Variants in PIH1D2 observed in about 807,000 individuals in gnomAD.
PIH1D2 encodes the protein PIH1 domain-containing protein 2.
A neutral mutation model predicts 31.2 loss-of-function variants in PIH1D2; 25 were observed. That is an observed-to-expected ratio of 0.80 (90% CI 0.58 to 1.12). PIH1D2 has a LOEUF of 1.12. Among genes scored for constraint, PIH1D2 ranks in the 50% most tolerant of loss-of-function variants. The pLI is 0.00. For synonymous variants in PIH1D2, 116 were observed against 119.9 expected (o/e 0.97, Z 0.21); for missense variants, 310 against 356.6 (o/e 0.87, Z 1.05).
chr11:112,067,713 T>TATATA (rs1555184023), downstream of PIH1D2: 11 of 255,820 alleles, frequency 4.3e-5, no homozygotes, highest in African/African-American at 1.3e-4. Context: ...TATATATATA[T>TATATA]TTGACATAAC....
At position 112,070,282 on chromosome 11, in the gene PIH1D2, T is replaced by C. The variant is rs1416996878; in HGVS notation, c.813+154A>G. The C allele has an allele frequency of 3.5e-6, 3 of 846,428 alleles. No homozygotes were observed. The African/African-American group carries it at 5.2e-5, about 15-fold the overall frequency. The allele number at this position is 846,428 out of a possible 1,614,324, so 52.4% of individuals were successfully genotyped here. On this transcript the variant is annotated intron_variant, in intron 5 of 5. Transcript: ENST00000280350. ...ATTCTATTTTCCCTTTGCTGAGATG[T>C]GAATGGCACATCTCAGAAGGGAATT... is the stretch of plus-strand genomic sequence containing the variant.
chr11:112,062,343 G>A, downstream of PIH1D2: 9 of 1,571,734 alleles, frequency 5.7e-6, no homozygotes, highest in Non-Finnish European at 7.9e-6. Context: ...GCATTTGGGT[G>A]GTTACTGGCT....
downstream of PIH1D2, among the ~76,000 whole-genome samples, chr11:112,064,666 A>T (rs1046445012): frequency 2.2e-4 from 34 of 152,194 alleles, no homozygotes; most frequent in African/African-American, 7.5e-4. Flanking sequence ...GAAGCTTGTG[A>T]TTGTGAAGTT....
At chr11:112,062,460 G>A, downstream of PIH1D2, 1 of 1,612,770 alleles carries the variant, frequency 6.2e-7, no homozygotes, top group Non-Finnish European at 8.5e-7. Context: ...ACCGGGTGGT[G>A]GATGGAGCAG....
chr11:112,052,980 C>A, the PIH1D2 span, among the ~76,000 whole-genome samples: 177 of 152,248 alleles, frequency 1.2e-3, no homozygotes, highest in African/African-American at 4.0e-3. Context: ...ATGACAGGAA[C>A]TGGCAACATG....
chr11:112,071,304 G>T, intron 3 of PIH1D2, 21 bp from the exon 4 acceptor site: 1 of 1,590,568 alleles, frequency 6.3e-7, no homozygotes, highest in Non-Finnish European at 8.6e-7. Flanking sequence ...AATTGAAAGG[G>T]TATGAAATGA....
chr11:112,072,067 C>T lies in PIH1D2; in HGVS notation c.178-309G>A, dbSNP rs57306592. Among the ~76,000 whole-genome samples, 414 of 151,710 alleles carry T rather than the reference C, an allele frequency of 2.7e-3. 2 individuals are homozygous for T. Among genetic ancestry groups the T allele is most frequent in the African/African-American group, 9.6e-3 (395 of 41,330 alleles). The stretch of plus-strand genomic sequence containing the variant: ...AAGATTGTGCCATTGCACTCCTGCC[C>T]GGGTGACGAGAGTGAAACTCCATCT... On this transcript the variant is annotated intron_variant, in intron 2 of 5. Coordinates refer to ENST00000280350, the MANE Select transcript of PIH1D2 (RefSeq NM_138789.4).
At chr11:112,061,007 T>A (rs782689482), downstream of PIH1D2, 1 of 1,508,906 alleles carries the variant, frequency 6.6e-7, no homozygotes. Context: ...GTTGACAAAC[T>A]ATAATTTATT....
At chr11:112,063,520 G>A (rs1309671140), downstream of PIH1D2, 1 of 152,408 alleles carries the variant, frequency 6.6e-6, no homozygotes, top group East Asian at 1.9e-4. Flanking sequence ...GAAAAGGAGG[G>A]GTACATTGGT....
chr11:112,062,792 C>T (rs1864717478), downstream of PIH1D2: 1 of 434,802 alleles, frequency 2.3e-6, no homozygotes, highest in Non-Finnish European at 4.3e-6. Flanking sequence ...TGTGGCCTTG[C>T]CTAGCCCTTT....
the PIH1D2 span, among the ~76,000 whole-genome samples, chr11:112,057,581 T>C: frequency 6.6e-6 from 1 of 152,212 alleles, no homozygotes; most frequent in African/African-American, 2.4e-5. Context: ...AGGTACAGCA[T>C]TCCCTTAAGC....
At chr11:112,060,115 TA>T, downstream of PIH1D2, 1 of 1,520,370 alleles carries the variant, frequency 6.6e-7, no homozygotes, top group Non-Finnish European at 9.1e-7. Flanking sequence ...AAGGTTTGCA[TA>T]ATGCATTTAT....
intron 2 of PIH1D2, 119 bp downstream of exon 2, chr11:112,072,879 C>CAA (rs781787687): frequency 9.2e-7 from 1 of 1,083,134 alleles, no homozygotes; most frequent in South Asian, 2.1e-5. Flanking sequence ...CAAAACAAAA[C>CAA]AAAACAAAAC....
chr11:112,066,691 C>A (rs1173772215), downstream of PIH1D2, among the ~76,000 whole-genome samples: 1 of 151,566 alleles, frequency 6.6e-6, no homozygotes, highest in South Asian at 2.1e-4. Context: ...TGTATCCAAT[C>A]TATCGACAAG....
chr11:112,056,940 C>T, the PIH1D2 span, among the ~76,000 whole-genome samples: 1 of 152,058 alleles, frequency 6.6e-6, no homozygotes, highest in Non-Finnish European at 1.5e-5. Flanking sequence ...CTTGTGGCAA[C>T]CCTCTGTCAA....
chr11:112,070,186 C>G, intron 5 of PIH1D2: 1 of 592,752 alleles, frequency 1.7e-6, no homozygotes, highest in Non-Finnish European at 3.0e-6. Flanking sequence ...GCCAGTGGAG[C>G]GTGAGTAGAA....
At chr11:112,062,436 A>G (rs782574521), downstream of PIH1D2, 2 of 1,612,656 alleles carry the variant, frequency 1.2e-6, no homozygotes, top group South Asian at 1.1e-5. Context: ...TGTCTGTTAC[A>G]CTCAGTTGTG....
In PIH1D2 at chr11:112,070,589, C is replaced by A; in HGVS notation, c.660G>T (p.Glu220Asp). ...VSGKAVCLIE[E>D]ISSTEIQVEM... Reference sequence around the variant, plus strand: ...CCACCTGGATTTCAGTACTGGAAATCTCTTCTATCAGACACACTGCTTTGC... The same window carrying A: ...CCACCTGGATTTCAGTACTGGAAATATCTTCTATCAGACACACTGCTTTGC... The change falls in exon 5 of 6, where the codon GAG becomes GAT. Residue 220 changes from glutamate (E) to aspartate (D), a missense_variant. Transcript: ENST00000280350. 1 of 1,614,126 alleles carries A rather than the reference C, an allele frequency of 6.2e-7. No homozygotes were observed. The highest frequency in any genetic ancestry group is 8.5e-7 in the Non-Finnish European group (1 of 1,180,024).
Position 112,072,894 on chromosome 11 carries a change from A to AC in PIH1D2, c.177+103_177+104insG, listed in dbSNP as rs1376828526. The AC allele has an allele frequency of 3.3e-6, 4 of 1,215,388 alleles. No individual in the cohort carries two copies. In the African/African-American group the frequency reaches 4.9e-5, roughly 15 times the overall value. 75.3% of individuals were successfully genotyped at this position (1,215,388 alleles called of 1,614,324 possible). ...CAAAACAAAACAAAACAAAACAAAA[A>AC]AAAAACAAAAAAAATTAGCAATACC... On this transcript the variant is annotated intron_variant, in intron 2 of 5. Transcript: ENST00000280350.
Sources: gnomAD v4.1 joint callset for allele counts (sites outside exome capture counted in the v4.1 genomes callset) on GRCh38, gnomAD v4.1.1 for gene constraint, MANE v1.5 for transcripts, NCBI Gene and HGNC (gene_info 2026-07-23, HGNC 2026-07-21) for gene names.